Variants in EPHB1 observed in about 807,000 individuals in gnomAD.
EPHB1 encodes the protein ephrin type-B receptor 1.
Under a neutral mutation model 94.4 loss-of-function variants are expected in EPHB1, and 30 were observed. The ratio of observed to expected loss-of-function variants is 0.32; its 90% CI spans 0.24 to 0.43. The LOEUF (loss-of-function observed/expected upper bound fraction) is 0.43, where lower values mean the gene tolerates loss of function less well. Ranked by LOEUF, EPHB1 falls within the 20% of genes least tolerant of loss-of-function variation. EPHB1 has a pLI of 1.00. For synonymous variants in EPHB1, 522 were observed against 489.1 expected (o/e 1.07, Z -0.89); for missense variants, 1,055 against 1,308.3 (o/e 0.81, Z 2.99).
intron 1 of EPHB1, among the ~76,000 whole-genome samples, chr3:134,819,538 A>T (rs1048760021): frequency 1.3e-5 from 2 of 152,190 alleles, no homozygotes; most frequent in Non-Finnish European, 2.9e-5. Flanking sequence ...ACATAGATGG[A>T]TTGCCTGGTA....
chr3:135,131,642 G>T (rs546435199), intron 4 of EPHB1, among the ~76,000 whole-genome samples: 43 of 152,276 alleles, frequency 2.8e-4, no homozygotes, highest in African/African-American at 9.9e-4. Context: ...ATCTCAAAAT[G>T]CCCAGCATTG....
chr3:134,907,817 T>C (rs936923681), intron 1 of EPHB1, among the ~76,000 whole-genome samples: 8 of 152,208 alleles, frequency 5.3e-5, no homozygotes, highest in African/African-American at 1.9e-4. Context: ...CATTGACTGA[T>C]TGCATTTCGG....
intron 3 of EPHB1, among the ~76,000 whole-genome samples, chr3:134,969,501 A>G (rs73214152): frequency 0.022 from 3,361 of 152,258 alleles, 54 homozygotes; most frequent in South Asian, 0.033. Context: ...GGGGAGAGCC[A>G]ATTCTTAGAC....
At chr3:134,949,337 G>C (rs180830939) in intron 2 of EPHB1, among the ~76,000 whole-genome samples, 1 of 152,276 alleles carries the variant, frequency 6.6e-6, no homozygotes, top group East Asian at 1.9e-4. Flanking sequence ...CAGAGGCCCA[G>C]ACAGAAGGAG....
chr3:134,882,803 TTTC>T (rs1355545976), intron 1 of EPHB1, among the ~76,000 whole-genome samples: 92 of 79,604 alleles, frequency 1.2e-3, no homozygotes, highest in South Asian at 6.6e-3. Context: ...TCTTTCTTTC[TTTC>T]TTTCTTTCTT....
At chr3:135,110,474 G>A (rs1168062819) in intron 4 of EPHB1, among the ~76,000 whole-genome samples, 1 of 152,148 alleles carries the variant, frequency 6.6e-6, no homozygotes, top group Non-Finnish European at 1.5e-5. Context: ...AGGGGCAGGG[G>A]TTTTGAGTTT....
intron 3 of EPHB1, among the ~76,000 whole-genome samples, chr3:134,964,610 C>A (rs1457364759): frequency 6.6e-6 from 1 of 152,126 alleles, no homozygotes; most frequent in Admixed American, 6.5e-5. Context: ...TCAGGGCTTC[C>A]ATTTGGTTTC....
intron 3 of EPHB1, among the ~76,000 whole-genome samples, chr3:134,998,515 C>T (rs1935070746): frequency 6.6e-6 from 1 of 152,148 alleles, no homozygotes; most frequent in Non-Finnish European, 1.5e-5. Context: ...GAGGTTTTCT[C>T]AAACCATCTC....
intron 4 of EPHB1, among the ~76,000 whole-genome samples, chr3:135,108,806 T>C (rs1156600745): frequency 1.3e-5 from 2 of 152,106 alleles, no homozygotes; most frequent in African/African-American, 4.8e-5. Context: ...CCCTCAAACC[T>C]AGGCCAGGTA....
intron 3 of EPHB1, among the ~76,000 whole-genome samples, chr3:135,098,335 T>A (rs922704619): frequency 5.6e-5 from 7 of 125,580 alleles, no homozygotes; most frequent in African/African-American, 1.8e-4. Context: ...GAGTATGATA[T>A]GTTTGAGTGT....
intron 1 of EPHB1, among the ~76,000 whole-genome samples, chr3:134,820,708 A>G (rs1025690121): frequency 1.3e-5 from 2 of 151,708 alleles, no homozygotes; most frequent in Non-Finnish European, 2.9e-5. Flanking sequence ...CACTCCCACC[A>G]CTCGGCCCCA....
chr3:134,833,367 A>C (rs1286119311), intron 1 of EPHB1, among the ~76,000 whole-genome samples: 1 of 152,200 alleles, frequency 6.6e-6, no homozygotes, highest in African/African-American at 2.4e-5. Flanking sequence ...TAGGACTGTG[A>C]GTGGGTGAGC....
At position 134,951,970 on chromosome 3, in the gene EPHB1, CG is replaced by C; in HGVS notation, c.727del (p.Asp243MetfsTer112). ...VDVPIKLYCN[G>X]DGEWMVPIGR... ...ACGTGCCCATCAAACTCTACTGCAA[CG>C]GGGATGGGGAATGGATGGTGCCTAT... On this transcript the variant is annotated frameshift_variant, in exon 3 of 16. Transcript: ENST00000398015. LOFTEE classifies it high-confidence loss of function. The surrounding 1 kb of genome is among the most constrained non-coding windows in gnomAD (Gnocchi z 4.5). 1 of 1,613,986 alleles carries C rather than the reference CG, an allele frequency of 6.2e-7. No individual in the cohort carries two copies. The highest frequency in any genetic ancestry group is 8.5e-7 in the Non-Finnish European group (1 of 1,179,876).
At chr3:135,177,569 AG>A (rs1942017988) in intron 9 of EPHB1, among the ~76,000 whole-genome samples, 1 of 152,208 alleles carries the variant, frequency 6.6e-6, no homozygotes, top group South Asian at 2.1e-4. Flanking sequence ...TGTGAATCTC[AG>A]GGGAATTAGG....
intron 1 of EPHB1, chr3:134,823,776 A>G (rs980631110): frequency 6.6e-6 from 1 of 152,234 alleles, no homozygotes; most frequent in African/African-American, 2.4e-5. Flanking sequence ...TGTCAATACA[A>G]AGAAATTTTA....
At chr3:135,081,233 TCTC>T (rs1938152928) in intron 3 of EPHB1, among the ~76,000 whole-genome samples, 3 of 152,330 alleles carry the variant, frequency 2.0e-5, no homozygotes, top group African/African-American at 4.8e-5. Flanking sequence ...CCTCACAAGT[TCTC>T]AGAATGTGTG....
intron 13 of EPHB1, among the ~76,000 whole-genome samples, chr3:135,244,411 T>G (rs1010236614): frequency 1.3e-5 from 2 of 152,344 alleles, no homozygotes; most frequent in Admixed American, 1.3e-4. Context: ...CCATCTGATT[T>G]CATTCTAATC....
At chr3:134,915,063 T>C (rs905440047) in intron 1 of EPHB1, among the ~76,000 whole-genome samples, 1 of 152,110 alleles carries the variant, frequency 6.6e-6, no homozygotes, top group African/African-American at 2.4e-5. Flanking sequence ...TGGCCTTCCT[T>C]GTGTCTGTGT....
At position 135,259,188 on chromosome 3, in the gene EPHB1, C is replaced by T; in HGVS notation, c.*68C>T. 1 of 1,266,324 alleles carries T rather than the reference C, an allele frequency of 7.9e-7. No individual in the cohort carries two copies. The highest frequency in any genetic ancestry group is 1.1e-6 in the Non-Finnish European group (1 of 888,476). 78.4% of individuals were successfully genotyped at this position (1,266,324 alleles called of 1,614,324 possible). A position where few individuals can be genotyped will look rare whatever the true frequency, so the allele number is the denominator to read the frequency against. On this transcript the variant is annotated 3_prime_UTR_variant, in exon 16 of 16. Coordinates refer to ENST00000398015, the MANE Select transcript of EPHB1 (RefSeq NM_004441.5). ...GGGTCAAGGGGGACCAGAGGTTGAC[C>T]ACTGTGGAATGTACTGGAGAGACTG...
Sources: gnomAD v4.1 joint callset for allele counts (sites outside exome capture counted in the v4.1 genomes callset) on GRCh38, gnomAD v4.1.1 for gene constraint, Gnocchi (gnomAD v3.1) non-coding constraint, MANE v1.5 for transcripts, NCBI Gene and HGNC (gene_info 2026-07-23, HGNC 2026-07-21) for gene names.